ZFHX3: variants seen among roughly 807,000 people sequenced by gnomAD.
ZFHX3 encodes zinc finger homeobox protein 3.
Under a neutral mutation model 279.1 loss-of-function variants are expected in ZFHX3, and 42 were observed. That is an observed-to-expected ratio of 0.15 (90% confidence interval 0.12 to 0.19). The LOEUF (loss-of-function observed/expected upper bound fraction) is 0.19. Ranked by LOEUF, ZFHX3 falls within the 10% of genes least tolerant of loss-of-function variation. ZFHX3 has a pLI of 1.00. For missense variants in ZFHX3, 4,981 were observed against 4,754.0 expected, an observed-to-expected ratio of 1.05 and a Z score of -1.40; for synonymous variants, 2,293 against 1,957.8, an observed-to-expected ratio of 1.17 and a Z score of -4.52.
chr16:73,206,604 T>G (rs1191263295), intron 5 of ZFHX3, among the ~76,000 whole-genome samples: 1 of 152,110 alleles, frequency 6.6e-6, no homozygotes, highest in African/African-American at 2.4e-5. Context: ...TTTATCAACA[T>G]GTATTCAGTA....
intron 6 of ZFHX3, among the ~76,000 whole-genome samples, chr16:73,134,344 T>C (rs1156667725): frequency 2.8e-5 from 4 of 141,418 alleles, no homozygotes; most frequent in South Asian, 4.9e-4. Context: ...TTTTTTTTTT[T>C]TTTTTTTTTT....
chr16:73,381,524 T>C (rs1480226862), intron 3 of ZFHX3, among the ~76,000 whole-genome samples: 3 of 152,186 alleles, frequency 2.0e-5, no homozygotes, highest in Non-Finnish European at 4.4e-5. Context: ...ATTTCATCTA[T>C]TACAAAGACA....
chr16:73,227,187 G>C (rs888690511), intron 5 of ZFHX3, among the ~76,000 whole-genome samples: 2 of 152,140 alleles, frequency 1.3e-5, no homozygotes, highest in Non-Finnish European at 2.9e-5. Flanking sequence ...AAAATGAGGA[G>C]ATAATAAAGT....
intron 1 of ZFHX3, among the ~76,000 whole-genome samples, chr16:73,833,218 C>G (rs184983359): frequency 9.9e-5 from 15 of 152,206 alleles, no homozygotes; most frequent in Non-Finnish European, 4.4e-5. Context: ...TAAAAGTTAG[C>G]TGGTCATGGT....
intron 2 of ZFHX3, among the ~76,000 whole-genome samples, chr16:73,557,412 A>T (rs1240826604): frequency 6.6e-6 from 1 of 152,172 alleles, no homozygotes; most frequent in Non-Finnish European, 1.5e-5. Context: ...GAGTTCGTAA[A>T]GTGAAAGCAA....
chr16:73,051,389 C>A (rs1965447429), upstream of ZFHX3, among the ~76,000 whole-genome samples: 1 of 152,154 alleles, frequency 6.6e-6, no homozygotes, highest in African/African-American at 2.4e-5. Flanking sequence ...GGTGGCCGAG[C>A]CCTCCTGGGT....
intron 7 of ZFHX3, among the ~76,000 whole-genome samples, chr16:72,805,228 C>T (rs938513002): frequency 2.6e-5 from 4 of 151,942 alleles, no homozygotes; most frequent in Non-Finnish European, 5.9e-5. Context: ...GTGATCTGCC[C>T]CCATCAGCCT....
intron 1 of ZFHX3, among the ~76,000 whole-genome samples, chr16:73,731,029 A>C (rs1466834557): frequency 2.6e-5 from 4 of 152,218 alleles, no homozygotes; most frequent in Non-Finnish European, 5.9e-5. Context: ...CTAATTTGAA[A>C]GGGCTTTAAT....
chr16:72,833,731 A>G (rs1378301700), intron 4 of ZFHX3, among the ~76,000 whole-genome samples: 1 of 152,108 alleles, frequency 6.6e-6, no homozygotes, highest in East Asian at 1.9e-4. Context: ...TAGCAGGCCC[A>G]ATGCCTCCCA....
chr16:73,057,857 G>C (rs1437997309), intron 1 of ZFHX3, among the ~76,000 whole-genome samples: 2 of 150,156 alleles, frequency 1.3e-5, no homozygotes, highest in South Asian at 2.1e-4. Flanking sequence ...GCGCTCGCCC[G>C]GCCAGCGGTG....
chr16:73,145,808 A>T (rs1280094679), intron 5 of ZFHX3, among the ~76,000 whole-genome samples: 1 of 152,190 alleles, frequency 6.6e-6, no homozygotes. Flanking sequence ...TTGAAATGAA[A>T]CCAATCCAGA....
chr16:73,602,822 C>T (rs1429024603), intron 2 of ZFHX3, among the ~76,000 whole-genome samples: 2 of 147,066 alleles, frequency 1.4e-5, no homozygotes, highest in African/African-American at 5.4e-5. Flanking sequence ...TAGCGGGCAC[C>T]TGTAATCCAA....
chr16:73,602,851 G>A (rs1395813130), intron 2 of ZFHX3, among the ~76,000 whole-genome samples: 1 of 138,396 alleles, frequency 7.2e-6, no homozygotes, highest in African/African-American at 3.3e-5. Context: ...GGAGGCTGAA[G>A]CAGGAGAATT....
In ZFHX3 at chr16:73,023,856, A is replaced by C. The variant is rs111299274; in HGVS notation, c.-50+23896T>G. On this transcript the variant is annotated intron_variant, in intron 1 of 9. Coordinates refer to ENST00000268489, the MANE Select transcript of ZFHX3 (RefSeq NM_006885.4). ...AAGGCCACGTGGCTCCATCCACGGC[A>C]ACAAAATGCAAGGGAGCTCCGAGGG... 7.3e-3 allele frequency among the ~76,000 whole-genome samples: 1,112 copies of C among 152,278 alleles called. 15 individuals carry two copies. The highest frequency in any genetic ancestry group is 0.026 in the African/African-American group (1,068 of 41,560).
intron 4 of ZFHX3, among the ~76,000 whole-genome samples, chr16:73,280,085 G>A (rs1475365083): frequency 1.3e-5 from 2 of 152,006 alleles, no homozygotes; most frequent in South Asian, 2.1e-4. Context: ...GAATGAAATT[G>A]GACCCCTGTT....
At chr16:73,702,483 G>A (rs1443387267) in intron 1 of ZFHX3, among the ~76,000 whole-genome samples, 1 of 152,186 alleles carries the variant, frequency 6.6e-6, no homozygotes, top group Non-Finnish European at 1.5e-5. Flanking sequence ...CTGTAGGTTT[G>A]TGGAACCTTC....
intron 4 of ZFHX3, among the ~76,000 whole-genome samples, chr16:72,875,537 T>C (rs1486819777): frequency 6.6e-6 from 1 of 152,230 alleles, no homozygotes; most frequent in Non-Finnish European, 1.5e-5. Context: ...CAGTTTCTAC[T>C]TCATTCAGGG....
intron 1 of ZFHX3, among the ~76,000 whole-genome samples, chr16:73,045,686 GAATAGTTAGCAAGTGTTTCTC>G (rs1401833590): frequency 8.3e-6 from 1 of 121,144 alleles, no homozygotes; most frequent in East Asian, 2.4e-4. Flanking sequence ...TATTATTATT[GAATAGTTAGCAAGTGTTTCTC>G]AATAGTTCCC....
chr16:73,044,174 G>A (rs913875623), intron 1 of ZFHX3, among the ~76,000 whole-genome samples: 1 of 152,126 alleles, frequency 6.6e-6, no homozygotes, highest in Non-Finnish European at 1.5e-5. Flanking sequence ...GCAGAGGACG[G>A]TGGTTCTGAG....
Sources: gnomAD v4.1 joint callset for allele counts (sites outside exome capture counted in the v4.1 genomes callset) on GRCh38, gnomAD v4.1.1 for gene constraint, MANE v1.5 for transcripts, NCBI Gene and HGNC (gene_info 2026-07-23, HGNC 2026-07-21) for gene names.